TRPM8: variants seen among roughly 807,000 people sequenced by gnomAD.
TRPM8 encodes transient receptor potential cation channel subfamily M member 8, also known as TRPM8 cationic channel.
TRPM8 carries 110 observed loss-of-function variants against 133.7 expected under a neutral mutation model. The observed-to-expected ratio is 0.82, with a 90% CI of 0.70 to 0.96. TRPM8 has a LOEUF of 0.96. Among genes scored for constraint, TRPM8 ranks in the 40% least tolerant of loss-of-function variants. TRPM8 has a pLI of 0.00. For synonymous variants in TRPM8, 535 were observed against 532.3 expected (o/e 1.01, Z -0.07); for missense variants, 1,291 against 1,379.5 (o/e 0.94, Z 1.02).
chr2:233,953,708 A>G, intron 9 of TRPM8: 1 of 421,638 alleles, frequency 2.4e-6, no homozygotes, highest in Non-Finnish European at 4.3e-6. Flanking sequence ...TGAGGCTCTC[A>G]GCTTTTTGAT....
At chr2:233,959,376 G>A (rs576754284) in intron 11 of TRPM8, among the ~76,000 whole-genome samples, 1 of 140,082 alleles carries the variant, frequency 7.1e-6, no homozygotes, top group Non-Finnish European at 1.5e-5. Flanking sequence ...ACCCAAGCTG[G>A]AGTGCAGAGG....
chr2:233,954,317 TC>T (rs1467741939), intron 10 of TRPM8, among the ~76,000 whole-genome samples: 2 of 152,346 alleles, frequency 1.3e-5, no homozygotes, highest in East Asian at 3.9e-4. Context: ...TTATTGGGCC[TC>T]AGATTCCTTT....
intron 12 of TRPM8, among the ~76,000 whole-genome samples, chr2:233,962,917 A>G (rs556997879): frequency 5.9e-5 from 9 of 152,224 alleles, no homozygotes; most frequent in Non-Finnish European, 1.3e-4. Flanking sequence ...CTTAAGCCAT[A>G]GGAAAGTTGG....
chr2:233,944,433 C>T (rs942224598), intron 6 of TRPM8, among the ~76,000 whole-genome samples: 1 of 152,142 alleles, frequency 6.6e-6, no homozygotes, highest in Non-Finnish European at 1.5e-5. Context: ...GGTATTTTTA[C>T]CTCTGAATGG....
chr2:233,962,476 G>A (rs923777231), intron 12 of TRPM8, among the ~76,000 whole-genome samples: 5 of 152,034 alleles, frequency 3.3e-5, no homozygotes, highest in Non-Finnish European at 7.4e-5. Flanking sequence ...CCTTGAGATC[G>A]TGTCCAAAAT....
At chr2:234,005,781 T>C (rs182290913) in intron 22 of TRPM8, among the ~76,000 whole-genome samples, 11 of 152,078 alleles carry the variant, frequency 7.2e-5, no homozygotes, top group Admixed American at 6.5e-4. Context: ...TTTGGTGGTA[T>C]GCGCTTGTAG....
At chr2:233,944,050 T>C (rs897824817) in intron 6 of TRPM8, among the ~76,000 whole-genome samples, 1 of 151,324 alleles carries the variant, frequency 6.6e-6, no homozygotes, top group African/African-American at 2.4e-5. Context: ...GAAGTTGGGG[T>C]TGGAGTAACC....
At chr2:233,956,958 C>G (rs2125155415) in intron 11 of TRPM8, among the ~76,000 whole-genome samples, 1 of 152,292 alleles carries the variant, frequency 6.6e-6, no homozygotes, top group South Asian at 2.1e-4. Flanking sequence ...GTGAATGGTA[C>G]ATTTAATTTT....
chr2:233,947,642 A>G (rs911274059), intron 8 of TRPM8: 3 of 1,278,106 alleles, frequency 2.3e-6, no homozygotes, highest in African/African-American at 3.0e-5. Context: ...AAACTTCTTG[A>G]ATGGTTCTGC....
At chr2:233,988,457 G>A (rs1397214164) in intron 21 of TRPM8, among the ~76,000 whole-genome samples, 1 of 152,080 alleles carries the variant, frequency 6.6e-6, no homozygotes, top group South Asian at 2.1e-4. Context: ...CGCCATCTCA[G>A]CACCTGTCAC....
At chr2:234,014,276 A>C (rs1228439502) in intron 24 of TRPM8, among the ~76,000 whole-genome samples, 2 of 152,164 alleles carry the variant, frequency 1.3e-5, no homozygotes, top group African/African-American at 4.8e-5. Context: ...GTATTATTGC[A>C]ATCTATTATT....
At chr2:233,974,460 T>A (rs574210786) in intron 17 of TRPM8, among the ~76,000 whole-genome samples, 1 of 152,274 alleles carries the variant, frequency 6.6e-6, no homozygotes, top group East Asian at 1.9e-4. Flanking sequence ...TCTCAATCTC[T>A]TGACCTTGTG....
chr2:233,936,661 G>A (rs1690751744), intron 3 of TRPM8, among the ~76,000 whole-genome samples: 1 of 152,202 alleles, frequency 6.6e-6, no homozygotes, highest in African/African-American at 2.4e-5. Context: ...GGCAGGGTTG[G>A]TGCTGAGGCA....
intron 11 of TRPM8, among the ~76,000 whole-genome samples, chr2:233,959,239 T>C (rs1691369841): frequency 6.6e-6 from 1 of 151,916 alleles, no homozygotes; most frequent in Non-Finnish European, 1.5e-5. Context: ...TTGACGAGGC[T>C]GGTCTCGAAC....
intron 17 of TRPM8, among the ~76,000 whole-genome samples, chr2:233,975,678 C>T (rs1233396905): frequency 6.6e-6 from 1 of 152,264 alleles, no homozygotes; most frequent in African/African-American, 2.4e-5. Flanking sequence ...CTCAGGAGTT[C>T]GAGACCAGCC....
rs28902202 is a variant in TRPM8, at chr2:233,982,207, G to A, written c.2589+292G>A. ...TGAGTCTTGACAGTTTGCTAAGAGTGTAGGCAGGGGAGGGACTTTTATGCC... is the reference window on the plus strand; with the variant it reads ...TGAGTCTTGACAGTTTGCTAAGAGTATAGGCAGGGGAGGGACTTTTATGCC... On this transcript the variant is annotated intron_variant, in intron 19 of 25. Coordinates refer to ENST00000324695, the MANE Select transcript of TRPM8 (RefSeq NM_024080.5). Among the ~76,000 whole-genome samples, 266 of 152,324 alleles carry A rather than the reference G, an allele frequency of 1.7e-3. 4 individuals are homozygous for A. Among genetic ancestry groups the A allele is most frequent in the African/African-American group, 6.1e-3 (255 of 41,572 alleles).
At chr2:233,945,572 G>A (rs1367340304) in intron 6 of TRPM8, among the ~76,000 whole-genome samples, 1 of 152,074 alleles carries the variant, frequency 6.6e-6, no homozygotes, top group Non-Finnish European at 1.5e-5. Context: ...AAGAGCACAG[G>A]GCAATGAACC....
intron 17 of TRPM8, among the ~76,000 whole-genome samples, chr2:233,976,614 G>C (rs904215900): frequency 6.6e-6 from 1 of 152,120 alleles, no homozygotes; most frequent in Admixed American, 6.5e-5. Flanking sequence ...CTGGCTATGG[G>C]GGGATGCTTA....
intron 20 of TRPM8, 30 bp from the exon 21 acceptor site, chr2:233,985,658 C>T: frequency 6.2e-7 from 1 of 1,607,824 alleles, no homozygotes; most frequent in Non-Finnish European, 8.5e-7. Context: ...AGAGGGTCCT[C>T]ACTTTGCCTG....
Sources: allele counts gnomAD v4.1 joint callset (sites outside exome capture counted in the v4.1 genomes callset), GRCh38; gene constraint gnomAD v4.1.1; transcripts MANE v1.5; gene names NCBI Gene and HGNC (gene_info 2026-07-23, HGNC 2026-07-21).